Variants in TTC27 observed in about 807,000 individuals in gnomAD.
TTC27 encodes the protein tetratricopeptide repeat protein 27.
In TTC27, 79 loss-of-function variants were observed where a neutral mutation model predicts 115.9. The ratio of observed to expected loss-of-function variants is 0.68; its 90% CI spans 0.57 to 0.82. The LOEUF is 0.82. Among genes scored for constraint, TTC27 ranks in the 40% least tolerant of loss-of-function variants. The pLI is 0.00. For synonymous variants in TTC27, 401 were observed against 356.0 expected (o/e 1.13, Z -1.42); for missense variants, 1,054 against 993.1 (o/e 1.06, Z -0.82).
At chr2:32,819,440 A>G (rs931215049) in intron 19 of TTC27, among the ~76,000 whole-genome samples, 2 of 152,198 alleles carry the variant, frequency 1.3e-5, no homozygotes, top group Non-Finnish European at 2.9e-5. Context: ...TTTCTATTTA[A>G]TGAATTAGGT....
intron 12 of TTC27, among the ~76,000 whole-genome samples, chr2:32,742,142 A>G (rs979405782): frequency 4.6e-5 from 7 of 152,336 alleles, no homozygotes; most frequent in Non-Finnish European, 8.8e-5. Context: ...AGCATTACTA[A>G]GTGGCAGTTT....
chr2:32,717,850 C>A (rs932456304), intron 10 of TTC27, among the ~76,000 whole-genome samples: 1 of 152,088 alleles, frequency 6.6e-6, no homozygotes, highest in African/African-American at 2.4e-5. Flanking sequence ...CTGGATGTAT[C>A]TAAATTTGAC....
At chr2:32,816,414 A>G (rs954137547) in intron 18 of TTC27, among the ~76,000 whole-genome samples, 10 of 152,208 alleles carry the variant, frequency 6.6e-5, no homozygotes, top group East Asian at 3.8e-4. Flanking sequence ...TTAAAGGAGT[A>G]TCTGATTATT....
Position 32,630,653 on chromosome 2 carries a change from GGTA to G in TTC27, c.223_225del (p.Val75del). ...AGATTGATAGCTACCTGGAGAAGCA[GGTA>G]GTAACATTCCTGGATTACTCAACAG... On this transcript the variant is annotated inframe_deletion, in exon 2 of 20. Transcript: ENST00000317907. The G allele has an allele frequency of 6.2e-7, 1 of 1,613,472 alleles. No individual in the cohort carries two copies. Among genetic ancestry groups the G allele is most frequent in the Non-Finnish European group, 8.5e-7 (1 of 1,179,868 alleles).
chr2:32,775,735 T>A (rs1218461135), intron 13 of TTC27, among the ~76,000 whole-genome samples: 1 of 152,184 alleles, frequency 6.6e-6, no homozygotes, highest in African/African-American at 2.4e-5. Flanking sequence ...AAAAAAAATG[T>A]TGCCAATAAA....
At position 32,630,587 on chromosome 2, in the gene TTC27, G is replaced by A. The variant is rs1664145989; in HGVS notation, c.153G>A (p.Met51Ile). ...GNYEAIFLNS[M>I]TQNIFNSTTT... is the part of the protein sequence containing the mutation. ...ATGAAGCCATATTCTTAAATTCAAT[G>A]ACTCAAAATATTTTTAATTCAACAA... Residue 51 changes from methionine (M) to isoleucine (I), a missense_variant, in exon 2 of 20, where the codon ATG becomes ATA. Transcript: ENST00000317907. 6.2e-7 allele frequency: 1 copy of A among 1,613,310 alleles called. No individual in the cohort carries two copies.
chr2:32,650,108 G>C (rs1181600957), intron 4 of TTC27, 23 bp from the exon 5 acceptor site: 2 of 1,584,494 alleles, frequency 1.3e-6, no homozygotes, highest in Admixed American at 1.7e-5. Flanking sequence ...TTTTATTTCA[G>C]CTTACGTGGT....
chr2:32,769,420 G>C (rs149257857), intron 13 of TTC27, among the ~76,000 whole-genome samples: 2 of 152,320 alleles, frequency 1.3e-5, no homozygotes, highest in East Asian at 1.9e-4. Context: ...AATGGAGATA[G>C]AATCTATAGA....
chr2:32,789,637 C>T (rs549375499), intron 16 of TTC27, among the ~76,000 whole-genome samples: 17 of 151,948 alleles, frequency 1.1e-4, no homozygotes, highest in Admixed American at 5.3e-4. Flanking sequence ...ATCTTTCAGC[C>T]GGCTGGGTGC....
chr2:32,770,981 T>C (rs1669811320), intron 13 of TTC27, among the ~76,000 whole-genome samples: 1 of 152,160 alleles, frequency 6.6e-6, no homozygotes. Flanking sequence ...TGGTAAGCAG[T>C]ACAGAATGAA....
At chr2:32,765,706 C>G (rs900086227) in intron 13 of TTC27, among the ~76,000 whole-genome samples, 1 of 152,230 alleles carries the variant, frequency 6.6e-6, no homozygotes, top group Non-Finnish European at 1.5e-5. Context: ...CCACCTTCAT[C>G]AATGGTCTTA....
chr2:32,669,998 C>T (rs888758136), intron 7 of TTC27, among the ~76,000 whole-genome samples: 4 of 151,338 alleles, frequency 2.6e-5, no homozygotes, highest in Non-Finnish European at 5.9e-5. Context: ...CCTGCCTTAG[C>T]CTCCGAGTAG....
chr2:32,698,723 G>A (rs199914751), intron 9 of TTC27, among the ~76,000 whole-genome samples: 9 of 151,444 alleles, frequency 5.9e-5, no homozygotes, highest in Admixed American at 4.6e-4. Context: ...CTCATGATCC[G>A]CCCGCCTCGG....
chr2:32,754,746 C>T (rs1221481037), intron 12 of TTC27, among the ~76,000 whole-genome samples: 13 of 149,390 alleles, frequency 8.7e-5, no homozygotes, highest in African/African-American at 2.5e-4. Flanking sequence ...TCTCACCTCC[C>T]GGACGGGGTG....
intron 12 of TTC27, among the ~76,000 whole-genome samples, chr2:32,739,092 A>G (rs1480830707): frequency 6.6e-6 from 1 of 152,196 alleles, no homozygotes; most frequent in Non-Finnish European, 1.5e-5. Context: ...AGCGACTTAA[A>G]TATCTTTTTA....
At chr2:32,813,456 T>G (rs184554685) in intron 18 of TTC27, among the ~76,000 whole-genome samples, 1 of 152,346 alleles carries the variant, frequency 6.6e-6, no homozygotes, top group Non-Finnish European at 1.5e-5. Context: ...TAGTTGACCT[T>G]GGGTAAATAA....
In TTC27 at chr2:32,661,936, C is replaced by T. The variant is rs147249823; in HGVS notation, c.641-2367C>T. ...AAATATCTCTTACTATTTTGAGATC[C>T]GTTCCATCAATACCTAGTTTATTGA... On this transcript the variant is annotated intron_variant, in intron 5 of 19. Coordinates refer to ENST00000317907, the MANE Select transcript of TTC27 (RefSeq NM_017735.5). Among the ~76,000 whole-genome samples, 674 of 152,172 alleles carry T rather than the reference C, an allele frequency of 4.4e-3. 3 individuals carry two copies. The highest frequency in any genetic ancestry group is 0.015 in the African/African-American group (620 of 41,508).
intron 1 of TTC27, among the ~76,000 whole-genome samples, chr2:32,629,640 C>T (rs376202782): frequency 2.7e-5 from 4 of 150,040 alleles, no homozygotes; most frequent in South Asian, 2.1e-4. Flanking sequence ...GGGGTTTCAC[C>T]GTGTTAGCCA....
At chr2:32,716,544 G>T (rs1341550171) in intron 10 of TTC27, among the ~76,000 whole-genome samples, 1 of 151,894 alleles carries the variant, frequency 6.6e-6, no homozygotes, top group Admixed American at 6.6e-5. Context: ...CAACTTTTTA[G>T]ATAGAATCTG....
Sources: allele counts gnomAD v4.1 joint callset (sites outside exome capture counted in the v4.1 genomes callset), GRCh38; gene constraint gnomAD v4.1.1; transcripts MANE v1.5; gene names NCBI Gene and HGNC (gene_info 2026-07-23, HGNC 2026-07-21).